Variants in KCNIP4 observed in about 807,000 individuals in gnomAD.
KCNIP4 encodes the protein Kv channel-interacting protein 4.
In KCNIP4, 12 loss-of-function variants were observed where a neutral mutation model predicts 34.0. That is an observed-to-expected ratio of 0.35 (90% CI 0.23 to 0.57). KCNIP4 has a LOEUF of 0.57. KCNIP4 is among the 20% of genes least tolerant of loss of function. KCNIP4 has a pLI of 0.83. For missense variants in KCNIP4, 238 were observed against 311.7 expected (o/e 0.76, Z 1.78); for synonymous variants, 124 against 102.2 (o/e 1.21, Z -1.29).
chr4:21,656,435 G>C (rs1404229716), intron 1 of KCNIP4: 1 of 152,176 alleles, frequency 6.6e-6, no homozygotes, highest in East Asian at 1.9e-4. Flanking sequence ...ATTTAGGAGT[G>C]CATAATTCAA....
intron 1 of KCNIP4, among the ~76,000 whole-genome samples, chr4:21,450,281 ATAAG>A (rs1287752946): frequency 6.6e-6 from 1 of 152,178 alleles, no homozygotes; most frequent in Non-Finnish European, 1.5e-5. Flanking sequence ...TAGTAAAAAA[ATAAG>A]TATTTGTGAA....
In KCNIP4 at chr4:21,744,557, C is replaced by T. The variant is rs368888689; in HGVS notation, c.61+204014G>A. On this transcript the variant is annotated intron_variant, in intron 1 of 8. Coordinates refer to ENST00000382152, the MANE Select transcript of KCNIP4 (RefSeq NM_025221.6). ...TCAAATATTTAAATGCTTCAATGAA[C>T]ACCTGCTTCCCTGAGCTTTCTCCTG... 1.1e-4 allele frequency among the ~76,000 whole-genome samples: 16 copies of T among 152,288 alleles called. No individual in the cohort carries two copies. The South Asian group carries it at 3.1e-3, about 30-fold the overall frequency.
Position 21,391,646 on chromosome 4 carries a change from C to T in KCNIP4, c.62-508937G>A, listed in dbSNP as rs530438998. 5.3e-5 allele frequency among the ~76,000 whole-genome samples: 8 copies of T among 152,260 alleles called. No individual in the cohort carries two copies. The East Asian group carries it at 1.5e-3, about 29-fold the overall frequency. On this transcript the variant is annotated intron_variant, in intron 1 of 8. Transcript: ENST00000382152. ...CTTGACGCCATTCCCTAACCCTGTA[C>T]ATCACTCAGCTGGAAAACCACAAGT...
At chr4:21,677,068 T>C (rs1749973056) in intron 1 of KCNIP4, among the ~76,000 whole-genome samples, 1 of 151,234 alleles carries the variant, frequency 6.6e-6, no homozygotes, top group South Asian at 2.1e-4. Context: ...GAGATATAGA[T>C]TATGAAAGCA....
chr4:21,566,119 G>C (rs1419855853), intron 1 of KCNIP4, among the ~76,000 whole-genome samples: 1 of 152,182 alleles, frequency 6.6e-6, no homozygotes, highest in Non-Finnish European at 1.5e-5. Context: ...CTGAGAACTG[G>C]ATTGTGAGAT....
At chr4:21,219,476 A>G (rs570185632) in intron 1 of KCNIP4, among the ~76,000 whole-genome samples, 2 of 152,314 alleles carry the variant, frequency 1.3e-5, no homozygotes, top group African/African-American at 2.4e-5. Context: ...TGAATTTTTG[A>G]ATGATCCAGG....
chr4:20,989,481 T>C (rs1367020605), intron 1 of KCNIP4, among the ~76,000 whole-genome samples: 1 of 152,086 alleles, frequency 6.6e-6, no homozygotes, highest in African/African-American at 2.4e-5. Context: ...GATGATACAC[T>C]GAAAAGTTAA....
intron 1 of KCNIP4, among the ~76,000 whole-genome samples, chr4:21,566,326 T>C (rs749194984): frequency 6.6e-6 from 1 of 152,150 alleles, no homozygotes; most frequent in African/African-American, 2.4e-5. Flanking sequence ...TACCCAAATC[T>C]CATGTCAAAT....
chr4:21,762,791 T>C (rs1718148432), intron 1 of KCNIP4: 9 of 535,786 alleles, frequency 1.7e-5, no homozygotes, highest in Non-Finnish European at 2.6e-5. Context: ...CATCTTCCAG[T>C]CATGACTCTT....
At position 20,883,915 on chromosome 4, in the gene KCNIP4, A is replaced by T. The variant is rs147230222; in HGVS notation, c.62-1206T>A. Among the ~76,000 whole-genome samples the T allele has an allele frequency of 9.6e-3, 1,469 of 152,290 alleles. 10 individuals are homozygous for T. The highest frequency in any genetic ancestry group is 0.024 in the Middle Eastern group (7 of 294). ...AAAGCTTCATGTTGTTTTTCTATCGAGGACGCCAAGTATGATCTGGCCCTG... is the reference window on the plus strand; with the variant it reads ...AAAGCTTCATGTTGTTTTTCTATCGTGGACGCCAAGTATGATCTGGCCCTG... On this transcript the variant is annotated intron_variant, in intron 1 of 8. Coordinates refer to ENST00000382152, the MANE Select transcript of KCNIP4 (RefSeq NM_025221.6).
intron 1 of KCNIP4, among the ~76,000 whole-genome samples, chr4:21,493,795 A>G (rs891389005): frequency 6.6e-6 from 1 of 152,180 alleles, no homozygotes; most frequent in Non-Finnish European, 1.5e-5. Flanking sequence ...AAGAAATTCC[A>G]TTCCACAAAG....
At chr4:21,640,381 G>A (rs1180505561) in intron 1 of KCNIP4, among the ~76,000 whole-genome samples, 1 of 152,174 alleles carries the variant, frequency 6.6e-6, no homozygotes, top group Non-Finnish European at 1.5e-5. Flanking sequence ...GGATGCAGGG[G>A]TGCCCCTCAT....
rs914924768 is a variant in KCNIP4 at position 21,932,202 on chromosome 4, C to T, written c.61+16369G>A. On this transcript the variant is annotated intron_variant, in intron 1 of 8. Coordinates refer to ENST00000382152, the MANE Select transcript of KCNIP4 (RefSeq NM_025221.6). ...TCTAATGTAATCTTTGAGTATTTTG[C>T]AGACAGAGAAATTTAGGCTTCTCCG... Among the ~76,000 whole-genome samples, 6 of 152,156 alleles carry T rather than the reference C, an allele frequency of 3.9e-5. No homozygotes were observed. In the East Asian group the frequency reaches 1.2e-3, roughly 29 times the overall value.
chr4:21,922,143 A>C (rs1728972553), intron 1 of KCNIP4, among the ~76,000 whole-genome samples: 1 of 152,178 alleles, frequency 6.6e-6, no homozygotes, highest in Non-Finnish European at 1.5e-5. Flanking sequence ...CCAGATAGTC[A>C]CATAGATGAA....
chr4:20,743,005 A>G (rs1048202729), intron 5 of KCNIP4, among the ~76,000 whole-genome samples: 1 of 142,522 alleles, frequency 7.0e-6, no homozygotes, highest in Admixed American at 6.8e-5. Flanking sequence ...TCCAACTTAT[A>G]TGGGATGTGA....
At chr4:20,907,958 C>T (rs1330189405) in intron 1 of KCNIP4, among the ~76,000 whole-genome samples, 1 of 152,060 alleles carries the variant, frequency 6.6e-6, no homozygotes. Flanking sequence ...TCATAACAAC[C>T]TATTCTGATA....
At chr4:21,584,398 A>G (rs1741461140) in intron 1 of KCNIP4, among the ~76,000 whole-genome samples, 1 of 152,106 alleles carries the variant, frequency 6.6e-6, no homozygotes, top group Admixed American at 6.6e-5. Flanking sequence ...AAATTATTTT[A>G]GTCATAAAGA....
chr4:20,826,394 G>A (rs769900582), intron 3 of KCNIP4, among the ~76,000 whole-genome samples: 10 of 151,936 alleles, frequency 6.6e-5, no homozygotes, highest in Non-Finnish European at 1.3e-4. Flanking sequence ...GGGCAGCATA[G>A]TGAGACCCCC....
chr4:21,351,041 T>A (rs1358373442), intron 1 of KCNIP4, among the ~76,000 whole-genome samples: 1 of 152,204 alleles, frequency 6.6e-6, no homozygotes, highest in Non-Finnish European at 1.5e-5. Flanking sequence ...AATAACTGTA[T>A]AATTTATCAT....
Sources: gnomAD v4.1 joint callset for allele counts (sites outside exome capture counted in the v4.1 genomes callset) on GRCh38, gnomAD v4.1.1 for gene constraint, MANE v1.5 for transcripts, NCBI Gene and HGNC (gene_info 2026-07-23, HGNC 2026-07-21) for gene names.